The following NT5DC2 variants were observed in gnomAD, a reference collection of about 807,000 sequenced individuals.
NT5DC2 encodes 5'-nucleotidase domain-containing protein 2.
NT5DC2 carries 41 observed loss-of-function variants against 70.0 expected under a neutral mutation model. That is an observed-to-expected ratio of 0.59 (90% CI 0.46 to 0.76). The LOEUF (loss-of-function observed/expected upper bound fraction) is 0.76, where lower values mean the gene tolerates loss of function less well. NT5DC2 is among the 30% of genes least tolerant of loss of function. NT5DC2 has a pLI of 0.00. For missense variants in NT5DC2, 705 were observed against 783.2 expected, an observed-to-expected ratio of 0.90 and a Z score of 1.19; for synonymous variants, 299 against 310.4, an observed-to-expected ratio of 0.96 and a Z score of 0.39.
At chr3:52,534,340 A>G, upstream of NT5DC2, 1 of 857,472 alleles carries the variant, frequency 1.2e-6, no homozygotes, top group Non-Finnish European at 1.9e-6. Flanking sequence ...AGCCCGGGCC[A>G]GTCCACTCAC....
rs150433728 is a variant in NT5DC2, at chr3:52,529,569, C to T, written c.233-235G>A. 4.0e-3 allele frequency among the ~76,000 whole-genome samples: 607 copies of T among 152,162 alleles called. 2 individuals carry two copies. The highest frequency in any genetic ancestry group is 0.022 in the South Asian group (105 of 4,814). The stretch of plus-strand genomic sequence containing the variant: ...GCTGGAGCTCCTCCTCATGGTTACA[C>T]CTGCCTACATTACACTATCTCCTAT... On this transcript the variant is annotated intron_variant, in intron 1 of 13. Coordinates refer to ENST00000422318, the MANE Select transcript of NT5DC2 (RefSeq NM_001134231.2). This position sits in a 1 kb window ranked among gnomAD's most constrained non-coding sequence, Gnocchi z 4.1.
rs1252929440 is a variant in NT5DC2, at chr3:52,525,082, A to C, written c.1228T>G (p.Trp410Gly). ...TCGGGGATGATGGCGCCTGTGCGCCAGCCGTGCCGCAGCATGAGATCCTGG... is the reference window on the plus strand; with the variant it reads ...TCGGGGATGATGGCGCCTGTGCGCCCGCCGTGCCGCAGCATGAGATCCTGG... ...DLADLMLRHG[W>G]RTGAIIPELE... Residue 410 changes from tryptophan (W) to glycine (G), a missense_variant, in exon 12 of 14, where the codon TGG (tryptophan) becomes GGG (glycine). By Grantham distance (184) the Trp-to-Gly change is radical (BLOSUM62 -2). Coordinates refer to ENST00000422318, the MANE Select transcript of NT5DC2 (RefSeq NM_001134231.2). The C allele has an allele frequency of 7.1e-7, 1 of 1,399,392 alleles. No homozygotes were observed. The highest frequency in any genetic ancestry group is 3.9e-5 in the East Asian group (1 of 25,600). 86.7% of individuals were successfully genotyped at this position (1,399,392 alleles called of 1,614,324 possible).
At chr3:52,532,279 GT>G in intron 1 of NT5DC2, 5 of 985,400 alleles carry the variant, frequency 5.1e-6, no homozygotes, top group Non-Finnish European at 6.0e-6. Context: ...GATCCCCGTA[GT>G]CCTCCCTGAA....
chr3:52,533,928 C>G, upstream of NT5DC2: 1 of 758,676 alleles, frequency 1.3e-6, no homozygotes, highest in Non-Finnish European at 1.6e-6. Flanking sequence ...GGCCCCGGAC[C>G]CGGCGGGGCG....
In NT5DC2 at chr3:52,528,339, C is replaced by T. The variant is rs552491402; in HGVS notation, c.643-28G>A. Reference sequence around the variant, plus strand: ...GGGGAGGGGGCCATTGTCTCAGACACCCTTTGGGACCCCAACCCCTTCAGT... The same window carrying T: ...GGGGAGGGGGCCATTGTCTCAGACATCCTTTGGGACCCCAACCCCTTCAGT... On this transcript the variant is annotated intron_variant, in intron 5 of 13. Coordinates refer to ENST00000422318, the MANE Select transcript of NT5DC2 (RefSeq NM_001134231.2). The T allele has an allele frequency of 3.1e-5, 50 of 1,613,054 alleles. No homozygotes were observed. In the East Asian group the frequency reaches 1.1e-3, roughly 35 times the overall value.
chr3:52,530,578 G>A (rs2079346281), intron 1 of NT5DC2, among the ~76,000 whole-genome samples: 1 of 152,136 alleles, frequency 6.6e-6, no homozygotes, highest in Non-Finnish European at 1.5e-5. Flanking sequence ...AGTGGGGCAT[G>A]GTGGCACACA....
Position 52,529,196 on chromosome 3 carries a change from G to A in NT5DC2, c.371C>T (p.Pro124Leu). ...GTCACGGGCGGTACTGAAGATCTCG[G>A]GGTGCAGTGCGTCTGCATACTGGGC... is the stretch of plus-strand genomic sequence containing the variant. ...TLAQYADALHPEIFSTARDIL... is the reference protein window; with the variant it reads ...TLAQYADALHLEIFSTARDIL... Residue 124 changes from proline (P) to leucine (L), a missense_variant, in exon 2 of 14, where the codon CCC (proline) becomes CTC (leucine). Coordinates refer to ENST00000422318, the MANE Select transcript of NT5DC2 (RefSeq NM_001134231.2). The surrounding 1 kb of genome is among the most constrained non-coding windows in gnomAD (Gnocchi z 4.1). The A allele has an allele frequency of 6.2e-7, 1 of 1,614,136 alleles. No homozygotes were observed. The highest frequency in any genetic ancestry group is 1.1e-5 in the South Asian group (1 of 91,080).
At position 52,529,527 on chromosome 3, in the gene NT5DC2, G is replaced by C. The variant is rs2079332165; in HGVS notation, c.233-193C>G. ...ACTTGCCCAGGGTCACGCAGTTAGG[G>C]TAAGGCAGAGCCCCTGGCTGGAGCT... On this transcript the variant is annotated intron_variant, in intron 1 of 13. Coordinates refer to ENST00000422318, the MANE Select transcript of NT5DC2 (RefSeq NM_001134231.2). This position sits in a 1 kb window ranked among gnomAD's most constrained non-coding sequence, Gnocchi z 4.1. Among the ~76,000 whole-genome samples, 1 of 152,056 alleles carries C rather than the reference G, an allele frequency of 6.6e-6. No individual in the cohort carries two copies.
upstream of NT5DC2, chr3:52,533,906 C>T (rs1332741027): frequency 1.1e-6 from 1 of 908,488 alleles, no homozygotes; most frequent in South Asian, 5.1e-5. Context: ...CCCCTCGGCC[C>T]GGGGGGCGGG....
rs754871503 is a variant in NT5DC2, at chr3:52,525,012, T to C, written c.1298A>G (p.His433Arg). The change falls in exon 12 of 14, where the codon CAC becomes CGC. Residue 433 changes from histidine (H) to arginine (R), a missense_variant. Transcript: ENST00000422318. ...GAGCGCCTGCTGCCACGTCAGCGAG[T>C]GCATGTACTGCTCCGTGTTGATGAT... Reference protein sequence around the residue: ...IRIINTEQYMHSLTWQQALTG... With the variant: ...IRIINTEQYMRSLTWQQALTG... 1.9e-5 allele frequency: 31 copies of C among 1,610,304 alleles called. No homozygotes were observed. The East Asian group carries it at 6.7e-4, about 35-fold the overall frequency.
Position 52,533,761 on chromosome 3 carries a change from C to CCGCGCTGCCCTCGGCCAG in NT5DC2, c.-42_-25dup. ...ATGCCCACCGCGCGCCGCCCGCCGCCCGCGCTGCCCTCGGCCAGCCCGCCG... is the reference window on the plus strand; with the variant it reads ...ATGCCCACCGCGCGCCGCCCGCCGCCCGCGCTGCCCTCGGCCAGCGCGCTGCCCTCGGCCAGCCCGCCG... On this transcript the variant is annotated 5_prime_UTR_variant, in exon 1 of 14. Transcript: ENST00000422318. The CCGCGCTGCCCTCGGCCAG allele has an allele frequency of 1.1e-6, 1 of 871,718 alleles. No homozygotes were observed. Among genetic ancestry groups the CCGCGCTGCCCTCGGCCAG allele is most frequent in the Non-Finnish European group, 1.4e-6 (1 of 739,458 alleles). 54.0% of individuals were successfully genotyped at this position (871,718 alleles called of 1,614,324 possible).
rs200623510 is a variant in NT5DC2, at chr3:52,528,705, G to A, written c.493-13C>T. 1.2e-6 allele frequency: 2 copies of A among 1,604,642 alleles called. No individual in the cohort carries two copies. Among genetic ancestry groups the A allele is most frequent in the Admixed American group, 3.4e-5 (2 of 58,476 alleles). On this transcript the variant is annotated splice_polypyrimidine_tract_variant and intron_variant, in intron 3 of 13. Coordinates refer to ENST00000422318, the MANE Select transcript of NT5DC2 (RefSeq NM_001134231.2). ...TCATCAGAAGGCTCTGGGGGCGCCA[G>A]GGAGGCAGGACGGATGGTGAGGAGG...
Position 52,527,607 on chromosome 3 carries a change from A to G in NT5DC2, c.1037+10T>C, listed in dbSNP as rs2079296562. 2 of 1,612,214 alleles carry G rather than the reference A, an allele frequency of 1.2e-6. No individual in the cohort carries two copies. Among genetic ancestry groups the G allele is most frequent in the Non-Finnish European group, 1.7e-6 (2 of 1,179,590 alleles). On this transcript the variant is annotated intron_variant, in intron 9 of 13. Coordinates refer to ENST00000422318, the MANE Select transcript of NT5DC2 (RefSeq NM_001134231.2). The stretch of plus-strand genomic sequence containing the variant: ...CTTCCCTGGCCCTGCAACCCCCACC[A>G]TGCCCATACTTGCGCCGGTCAGTGA...
At position 52,528,329 on chromosome 3, in the gene NT5DC2, G is replaced by A; in HGVS notation, c.643-18C>T. The A allele has an allele frequency of 4.3e-6, 7 of 1,613,188 alleles. No homozygotes were observed. The highest frequency in any genetic ancestry group is 2.5e-6 in the Non-Finnish European group (3 of 1,180,002). ...GAGGGACCCTGGGGAGGGGGCCATT[G>A]TCTCAGACACCCTTTGGGACCCCAA... On this transcript the variant is annotated intron_variant, in intron 5 of 13. Coordinates refer to ENST00000422318, the MANE Select transcript of NT5DC2 (RefSeq NM_001134231.2).
At position 52,531,452 on chromosome 3, in the gene NT5DC2, C is replaced by A. The variant is rs111659672; in HGVS notation, c.232+2054G>T. Reference sequence around the variant, plus strand: ...TGCAGAAGACCTGGGAGGGTCTGCTCGGCAGTGCAGCCCCTTGCTGGCACA... The same window carrying A: ...TGCAGAAGACCTGGGAGGGTCTGCTAGGCAGTGCAGCCCCTTGCTGGCACA... On this transcript the variant is annotated intron_variant, in intron 1 of 13. Coordinates refer to ENST00000422318, the MANE Select transcript of NT5DC2 (RefSeq NM_001134231.2). The surrounding 1 kb of genome is among the most constrained non-coding windows in gnomAD (Gnocchi z 4.1). Among the ~76,000 whole-genome samples, 1 of 152,094 alleles carries A rather than the reference C, an allele frequency of 6.6e-6. No individual in the cohort carries two copies. Among genetic ancestry groups the A allele is most frequent in the Non-Finnish European group, 1.5e-5 (1 of 68,010 alleles).
intron 10 of NT5DC2, chr3:52,526,246 A>T (rs1280490525): frequency 6.6e-6 from 1 of 152,392 alleles, no homozygotes; most frequent in Non-Finnish European, 1.5e-5. Flanking sequence ...CCTGGGCCCG[A>T]GGGCTGTGGA....
At position 52,528,026 on chromosome 3, in the gene NT5DC2, G is replaced by A. The variant is rs1281077871; in HGVS notation, c.819C>T (p.Ile273=). Residue 273 remains isoleucine (I), a synonymous_variant, in exon 7 of 14, where the codon ATC becomes ATT. Transcript: ENST00000422318. ...VHVKGLMYQW[I]EQDMEKYILR... ...GTCCACACTTACCCATGTCCTGCTC[G>A]ATCCACTGGTACATGAGGCCCTTCA... 3 of 1,611,968 alleles carry A rather than the reference G, an allele frequency of 1.9e-6. No homozygotes were observed. Among genetic ancestry groups the A allele is most frequent in the Middle Eastern group, 3.3e-4 (2 of 6,060 alleles).
At chr3:52,527,596 C>A in intron 9 of NT5DC2, 21 bp downstream of exon 9, 1 of 1,610,684 alleles carries the variant, frequency 6.2e-7, no homozygotes, top group African/African-American at 1.3e-5. Context: ...CCTGGCCCTG[C>A]AACCCCCACC....
At chr3:52,532,821 C>T (rs1281537450) in intron 1 of NT5DC2, among the ~76,000 whole-genome samples, 1 of 152,176 alleles carries the variant, frequency 6.6e-6, no homozygotes, top group East Asian at 1.9e-4. Flanking sequence ...ATGTCCAGCA[C>T]TCTCAGCTCT....
Sources: gnomAD v4.1 joint callset for allele counts (sites outside exome capture counted in the v4.1 genomes callset) on GRCh38, gnomAD v4.1.1 for gene constraint, Gnocchi (gnomAD v3.1) non-coding constraint, MANE v1.5 for transcripts, NCBI Gene and HGNC (gene_info 2026-07-23, HGNC 2026-07-21) for gene names.